MTMR3: variants seen among roughly 807,000 people sequenced by gnomAD.
MTMR3 encodes myotubularin related protein 3.
A neutral mutation model predicts 132.4 loss-of-function variants in MTMR3; 32 were observed. The observed-to-expected ratio is 0.24, with a 90% CI of 0.18 to 0.32. The LOEUF (loss-of-function observed/expected upper bound fraction) is 0.32. Ranked by LOEUF, MTMR3 falls within the 10% of genes least tolerant of loss-of-function variation. The pLI is 1.00. For synonymous variants in MTMR3, 556 were observed against 550.3 expected (o/e 1.01, Z -0.14); for missense variants, 1,216 against 1,489.6 (o/e 0.82, Z 3.02).
chr22:29,911,949 AG>A (rs1327899999), intron 1 of MTMR3, among the ~76,000 whole-genome samples: 2 of 152,252 alleles, frequency 1.3e-5, no homozygotes, highest in Non-Finnish European at 2.9e-5. Flanking sequence ...TTCACTGATT[AG>A]GCATAAATAT....
intron 1 of MTMR3, among the ~76,000 whole-genome samples, chr22:29,931,236 G>A (rs1018379776): frequency 5.3e-5 from 8 of 152,092 alleles, no homozygotes; most frequent in African/African-American, 1.9e-4. Context: ...TCAGTGGAAG[G>A]AAGACAGTAG....
At chr22:29,981,992 G>C (rs1014378011) in intron 5 of MTMR3, 3 of 151,828 alleles carry the variant, frequency 2.0e-5, no homozygotes, top group Non-Finnish European at 2.9e-5. Context: ...GGAGGATCAC[G>C]AGGTCAGGAG....
intron 3 of MTMR3, 76 bp from the exon 4 acceptor site, chr22:29,978,366 T>C: frequency 9.3e-7 from 1 of 1,080,910 alleles, no homozygotes; most frequent in African/African-American, 1.6e-5. Flanking sequence ...GTGATTATGC[T>C]AGCAGATATG....
At chr22:30,011,945 C>G in intron 12 of MTMR3, 1 of 151,594 alleles carries the variant, frequency 6.6e-6, no homozygotes, top group South Asian at 2.0e-4. Context: ...CTTTTCTTTT[C>G]TTTTTTTTTT....
rs144458612 is a variant in MTMR3, at chr22:30,020,049, G to A, written c.2390G>A (p.Arg797Gln). Reference protein sequence around the residue: ...DSLEVPVEQFRIEEIAEGREE... With the variant: ...DSLEVPVEQFQIEEIAEGREE... The stretch of plus-strand genomic sequence containing the variant: ...CTGGAGGTCCCTGTGGAGCAGTTTC[G>A]AATAGAAGAGATTGCAGAGGGTAGG... Residue 797 changes from arginine (R) to glutamine (Q), a missense_variant, in exon 17 of 20, where the codon CGA becomes CAA. Arg to Gln is a conservative substitution (Grantham distance 43). Coordinates refer to ENST00000401950, the MANE Select transcript of MTMR3 (RefSeq NM_021090.4). 316 of 1,614,160 alleles carry A rather than the reference G, an allele frequency of 2.0e-4. No individual in the cohort carries two copies. The highest frequency in any genetic ancestry group is 9.2e-4 in the African/African-American group (69 of 75,048).
rs183956685 is a variant in MTMR3, at chr22:30,009,490, C to T, written c.1121+361C>T. On this transcript the variant is annotated intron_variant, in intron 12 of 19. Coordinates refer to ENST00000401950, the MANE Select transcript of MTMR3 (RefSeq NM_021090.4). ...ATTTAATTCTTCAGTTTCTGATGTC[C>T]CATAGTGATACATAACCTGTTTTGA... 572 of 205,632 alleles carry T rather than the reference C, an allele frequency of 2.8e-3. 3 individuals are homozygous for T. The highest frequency in any genetic ancestry group is 4.4e-3 in the Non-Finnish European group (438 of 100,642). 12.7% of individuals were successfully genotyped at this position (205,632 alleles called of 1,614,324 possible). A position where few individuals can be genotyped will look rare whatever the true frequency, so the allele number is the denominator to read the frequency against.
intron 1 of MTMR3, among the ~76,000 whole-genome samples, chr22:29,939,242 A>C (rs756656064): frequency 4.6e-5 from 7 of 152,206 alleles, no homozygotes; most frequent in African/African-American, 7.2e-5. Context: ...TTTGTGTCCT[A>C]ACTTAAGGTC....
intron 6 of MTMR3, chr22:29,989,603 G>A (rs2066921129): frequency 6.6e-6 from 1 of 152,112 alleles, no homozygotes; most frequent in South Asian, 2.1e-4. Context: ...TTGTTTTAAT[G>A]GAATACTTCT....
chr22:29,945,542 TA>T (rs59993911), intron 1 of MTMR3, among the ~76,000 whole-genome samples: 9,802 of 143,796 alleles, frequency 0.068, 368 homozygotes, highest in African/African-American at 0.093. Context: ...TATAAAAAAT[TA>T]AAAAAAAAAA....
At chr22:30,020,930 A>G in intron 17 of MTMR3, 46 bp downstream of exon 17, 1 of 1,512,646 alleles carries the variant, frequency 6.6e-7, no homozygotes, top group Non-Finnish European at 8.9e-7. Context: ...AGGAGACGGC[A>G]TGCTGAGGCT....
In MTMR3 at chr22:30,012,205, A is replaced by C. The variant is rs1053859556; in HGVS notation, c.1122-163A>C. The C allele has an allele frequency of 5.8e-6, 4 of 690,488 alleles. No individual in the cohort carries two copies. In the Admixed American group the frequency reaches 1.2e-4, roughly 20 times the overall value. The allele number at this position is 690,488 out of a possible 1,614,324, so 42.8% of individuals were successfully genotyped here. On this transcript the variant is annotated intron_variant, in intron 12 of 19. Transcript: ENST00000401950. ...TATTGTATAGTAGGGCTTGGGCCTC[A>C]TCCTGAGACATGCTTTATAAACACA... is the stretch of plus-strand genomic sequence containing the variant.
At chr22:29,959,151 T>G (rs1472244555) in intron 2 of MTMR3, among the ~76,000 whole-genome samples, 1 of 152,188 alleles carries the variant, frequency 6.6e-6, no homozygotes, top group Non-Finnish European at 1.5e-5. Context: ...GATTAAATGT[T>G]GGTTTGCTTC....
intron 11 of MTMR3, 38 bp from the exon 12 acceptor site, chr22:30,008,980 C>T (rs1170611745): frequency 6.9e-7 from 1 of 1,440,292 alleles, no homozygotes; most frequent in South Asian, 1.2e-5. Flanking sequence ...GCTTTAAGTT[C>T]AACGTATTTG....
At chr22:29,909,304 T>C (rs1180806633) in intron 1 of MTMR3, among the ~76,000 whole-genome samples, 2 of 152,160 alleles carry the variant, frequency 1.3e-5, no homozygotes, top group African/African-American at 4.8e-5. Flanking sequence ...ACAGACCTGG[T>C]TTCATTGCAC....
chr22:29,947,172 A>G (rs910828899), intron 1 of MTMR3, among the ~76,000 whole-genome samples: 5 of 152,194 alleles, frequency 3.3e-5, no homozygotes, highest in Non-Finnish European at 5.9e-5. Flanking sequence ...GCTTGGATAA[A>G]CATATTATTT....
rs1295856102 is a variant in MTMR3 at position 29,998,754 on chromosome 22, C to T, written c.461-7C>T. ...CTTCCTTTCTGCTGTTTATCTTTGG[C>T]CTCTAGGGGAGCATGTAACTTCAAG... is the stretch of plus-strand genomic sequence containing the variant. On this transcript the variant is annotated splice_polypyrimidine_tract_variant and splice_region_variant and intron_variant, in intron 7 of 19. Transcript: ENST00000401950. 3 of 1,606,358 alleles carry T rather than the reference C, an allele frequency of 1.9e-6. No homozygotes were observed. The East Asian group carries it at 6.7e-5, about 36-fold the overall frequency.
chr22:29,916,367 A>G (rs1309131081), intron 1 of MTMR3, among the ~76,000 whole-genome samples: 1 of 152,196 alleles, frequency 6.6e-6, no homozygotes, highest in Non-Finnish European at 1.5e-5. Context: ...AATTTAGTAA[A>G]GATGTAGTAG....
At chr22:30,017,101 C>A in intron 15 of MTMR3, 1 of 168,436 alleles carries the variant, frequency 5.9e-6, no homozygotes, top group Non-Finnish European at 1.3e-5. Flanking sequence ...AGCAATGATA[C>A]CCACCAAAGC....
At chr22:29,896,037 T>TGGTAGCCCA (rs749622276) in intron 1 of MTMR3, among the ~76,000 whole-genome samples, 55 of 152,226 alleles carry the variant, frequency 3.6e-4, no homozygotes, top group South Asian at 1.7e-3. Flanking sequence ...TGGCTGGGCG[T>TGGTAGCCCA]GGTAGCCCAC....
Sources: allele counts gnomAD v4.1 joint callset (sites outside exome capture counted in the v4.1 genomes callset), GRCh38; gene constraint gnomAD v4.1.1; transcripts MANE v1.5; gene names NCBI Gene and HGNC (gene_info 2026-07-23, HGNC 2026-07-21).